The following MYOCOS variants were observed in gnomAD, a reference collection of about 807,000 sequenced individuals.
The protein encoded by MYOCOS is myocilin opposite strand.
upstream of MYOCOS, among the ~76,000 whole-genome samples, chr1:171,617,836 C>T (rs1652478476): frequency 3.9e-5 from 6 of 151,956 alleles, no homozygotes; most frequent in Admixed American, 3.3e-4. Flanking sequence ...ATTGTTCAAA[C>T]GAAGACCTCG....
chr1:171,606,301 T>C (rs1357905400), intron 1 of MYOCOS, among the ~76,000 whole-genome samples: 8 of 151,762 alleles, frequency 5.3e-5, no homozygotes, highest in Non-Finnish European at 7.4e-5. Flanking sequence ...GTAGCAAAAA[T>C]AAAAGTGAGA....
intron 1 of MYOCOS, among the ~76,000 whole-genome samples, chr1:171,622,553 G>A (rs141077390): frequency 1.2e-4 from 19 of 152,294 alleles, no homozygotes; most frequent in East Asian, 5.8e-4. Flanking sequence ...GAGTTGGTGC[G>A]TAAAAGCAGT....
chr1:171,601,100 G>A (rs1300775050), intron 1 of MYOCOS: 1 of 152,410 alleles, frequency 6.6e-6, no homozygotes, highest in Non-Finnish European at 1.5e-5. Flanking sequence ...TGCCCCGGTG[G>A]AACGCCTCGC....
At chr1:171,615,474 A>G (rs940314011) in intron 2 of MYOCOS, among the ~76,000 whole-genome samples, 2 of 152,208 alleles carry the variant, frequency 1.3e-5, no homozygotes, top group Admixed American at 1.3e-4. Flanking sequence ...TATACTCAGT[A>G]CCTGTTTTAA....
At chr1:171,615,101 T>C (rs965477828) in intron 2 of MYOCOS, 9 of 152,196 alleles carry the variant, frequency 5.9e-5, no homozygotes, top group Admixed American at 3.9e-4. Flanking sequence ...TTTTTGGCTT[T>C]TACTCTGTGA....
In MYOCOS at chr1:171,626,529, CCCTCACAGGACCTA is replaced by C; in HGVS notation, c.180_193del (p.Arg60SerfsTer11). The C allele has an allele frequency of 5.0e-6, 2 of 398,666 alleles. No homozygotes were observed. The highest frequency in any genetic ancestry group is 8.8e-6 in the Non-Finnish European group (2 of 226,070). 24.7% of individuals were successfully genotyped at this position (398,666 alleles called of 1,614,324 possible). A position where few individuals can be genotyped will look rare whatever the true frequency, so the allele number is the denominator to read the frequency against. The stretch of plus-strand genomic sequence containing the variant: ...ACTTGGATTTGGAGCAAGCCCCTCC[CCCTCACAGGACCTA>C]CCTCACAGTACCTCCTGCCCCACCT... On this transcript the variant is annotated frameshift_variant, in exon 3 of 3. Coordinates refer to ENST00000637642, the MANE Select transcript of MYOCOS (RefSeq NM_001391940.1). LOFTEE classifies it low-confidence loss of function (END_TRUNC).
At chr1:171,615,929 A>G (rs1379321794) in intron 2 of MYOCOS, among the ~76,000 whole-genome samples, 1 of 152,016 alleles carries the variant, frequency 6.6e-6, no homozygotes, top group Non-Finnish European at 1.5e-5. Flanking sequence ...CATTAACAGA[A>G]ATGAGGGGCC....
At chr1:171,608,081 G>T (rs61805421) in intron 1 of MYOCOS, among the ~76,000 whole-genome samples, 1,819 of 152,308 alleles carry the variant, frequency 0.012, 22 homozygotes, top group Non-Finnish European at 0.021. Flanking sequence ...GGGGGAAACT[G>T]CCCTTATGAT....
intron 1 of MYOCOS, among the ~76,000 whole-genome samples, chr1:171,613,710 G>C (rs1174936005): frequency 6.6e-6 from 1 of 152,026 alleles, no homozygotes; most frequent in Non-Finnish European, 1.5e-5. Flanking sequence ...ATCACACCTG[G>C]CTAACTTTTT....
At chr1:171,619,794 G>C (rs1042448941), upstream of MYOCOS, among the ~76,000 whole-genome samples, 4 of 147,706 alleles carry the variant, frequency 2.7e-5, no homozygotes, top group Admixed American at 2.7e-4. Context: ...CGACACCGCT[G>C]CATTCCAGCC....
chr1:171,615,058 A>G (rs1279722851), intron 2 of MYOCOS: 1 of 152,298 alleles, frequency 6.6e-6, no homozygotes, highest in Non-Finnish European at 1.5e-5. Flanking sequence ...GGAAGAAGGC[A>G]GATTGTATCA....
At chr1:171,625,363 C>T (rs942248469) in intron 2 of MYOCOS, among the ~76,000 whole-genome samples, 1 of 152,120 alleles carries the variant, frequency 6.6e-6, no homozygotes, top group Admixed American at 6.5e-5. Context: ...AACTTGTGGC[C>T]AGATTGAAAT....
In MYOCOS at chr1:171,612,318, A is replaced by C. The variant is rs566600468; in HGVS notation, c.-251-2480A>C. ...GGTCTCGAACTCCTGACCTCAGATG[A>C]TCCAACTGCCTAGGACTCCCAAAGT... On this transcript the variant is annotated intron_variant, in intron 1 of 3. Coordinates refer to the MYOCOS transcript ENST00000636697. 2.8e-4 allele frequency among the ~76,000 whole-genome samples: 43 copies of C among 151,078 alleles called. No homozygotes were observed. In the Middle Eastern group the frequency reaches 0.01, roughly 36 times the overall value.
upstream of MYOCOS, among the ~76,000 whole-genome samples, chr1:171,618,146 G>T (rs892233600): frequency 1.3e-5 from 2 of 152,218 alleles, no homozygotes; most frequent in Non-Finnish European, 2.9e-5. Flanking sequence ...GGCTATCAGG[G>T]TTGTATGTTT....
intron 2 of MYOCOS, among the ~76,000 whole-genome samples, 182 bp from the exon 3 acceptor site, chr1:171,626,272 G>GGGTCT (rs1332296935): frequency 6.6e-6 from 1 of 151,998 alleles, no homozygotes; most frequent in Admixed American, 6.6e-5. Flanking sequence ...TGTGGAAAGG[G>GGGTCT]GGTCTCCCTA....
intron 1 of MYOCOS, among the ~76,000 whole-genome samples, chr1:171,612,054 C>T (rs1332497628): frequency 1.3e-5 from 2 of 151,890 alleles, no homozygotes; most frequent in Admixed American, 6.6e-5. Context: ...TGGCCCTGTA[C>T]CCTTTAGGTT....
chr1:171,623,526 A>C (rs543863349), intron 1 of MYOCOS, among the ~76,000 whole-genome samples: 16 of 152,286 alleles, frequency 1.1e-4, no homozygotes, highest in Admixed American at 3.9e-4. Context: ...CAGTTCACCT[A>C]TCTGTGCCTC....
chr1:171,619,138 G>T (rs1439732385), upstream of MYOCOS, among the ~76,000 whole-genome samples: 2 of 152,108 alleles, frequency 1.3e-5, no homozygotes, highest in African/African-American at 4.8e-5. Context: ...TGGAAAATGT[G>T]GTTGTTAAAT....
rs1430391607 is a variant in MYOCOS, at chr1:171,605,717, C to T, written c.-252+4637C>T. Among the ~76,000 whole-genome samples the T allele has an allele frequency of 3.3e-5, 5 of 152,084 alleles. No individual in the cohort carries two copies. The East Asian group carries it at 7.7e-4, about 23-fold the overall frequency. On this transcript the variant is annotated intron_variant, in intron 1 of 3. Coordinates refer to the MYOCOS transcript ENST00000636697. ...TAATTGAAAAGATGACGAATGACCTCCTTAAAAAAAAAAATTATACAATAC... is the reference window on the plus strand; with the variant it reads ...TAATTGAAAAGATGACGAATGACCTTCTTAAAAAAAAAAATTATACAATAC...
Sources: allele counts gnomAD v4.1 joint callset (sites outside exome capture counted in the v4.1 genomes callset), GRCh38; gene constraint gnomAD v4.1.1; transcripts MANE v1.5; gene names NCBI Gene and HGNC (gene_info 2026-07-23, HGNC 2026-07-21).